Variants in OXLD1 observed in about 807,000 individuals in gnomAD.
The protein encoded by OXLD1 is oxidoreductase-like domain-containing protein 1.
Under a neutral mutation model 3.1 loss-of-function variants are expected in OXLD1, and 4 were observed. The observed-to-expected ratio is 1.28, with a 90% CI of 0.63 to 2.92. The LOEUF is 2.92. OXLD1 is among the 30% of genes most tolerant of loss of function. OXLD1 has a pLI of 0.01. For missense variants in OXLD1, 240 were observed against 204.6 expected, an observed-to-expected ratio of 1.17 and a Z score of -1.05; for synonymous variants, 100 against 87.0, an observed-to-expected ratio of 1.15 and a Z score of -0.83.
Position 81,665,119 on chromosome 17 carries a change from A to T in OXLD1, c.*82T>A. ...CTTCCTATTCCCGTTGGACACAAGG[A>T]GTCTGTGAGGGGGTGTGAAGGAAGG... is the stretch of plus-strand genomic sequence containing the variant. On this transcript the variant is annotated 3_prime_UTR_variant, in exon 2 of 2. Coordinates refer to ENST00000374741, the MANE Select transcript of OXLD1 (RefSeq NM_001039842.3). 1 of 1,444,344 alleles carries T rather than the reference A, an allele frequency of 6.9e-7. No individual in the cohort carries two copies. Among genetic ancestry groups the T allele is most frequent in the East Asian group, 2.3e-5 (1 of 42,990 alleles). 89.5% of individuals were successfully genotyped at this position (1,444,344 alleles called of 1,614,324 possible). A position where few individuals can be genotyped will look rare whatever the true frequency, so the allele number is the denominator to read the frequency against.
In OXLD1 at chr17:81,665,247, G is replaced by C. The variant is rs200385200; in HGVS notation, c.398C>G (p.Ala133Gly). ...EEHVADENLK[A>G]FLRMEIRLHT... The stretch of plus-strand genomic sequence containing the variant: ...CAGCCGGATCTCCATCCTGAGGAAG[G>C]CCTTGAGGTTCTCATCAGCCACGTG... Residue 133 changes from alanine to glycine, a missense_variant, in exon 2 of 2, where the codon GCC becomes GGC. By Grantham distance (60) the Ala-to-Gly change is moderately conservative. Coordinates refer to ENST00000374741, the MANE Select transcript of OXLD1 (RefSeq NM_001039842.3). 2.2e-5 allele frequency: 35 copies of C among 1,613,386 alleles called. No individual in the cohort carries two copies. The highest frequency in any genetic ancestry group is 1.2e-4 in the Admixed American group (7 of 59,984).
chr17:81,665,209 C>T lies in OXLD1; in HGVS notation c.436G>A (p.Gly146Arg), dbSNP rs370129678. Residue 146 changes from glycine (G) to arginine (R), a missense_variant, in exon 2 of 2, where the codon GGA (glycine) becomes AGA (arginine). By Grantham distance (125) the Gly-to-Arg change is moderately radical (BLOSUM62 -2). Coordinates refer to ENST00000374741, the MANE Select transcript of OXLD1 (RefSeq NM_001039842.3). ...RMEIRLHTRC[G>R]G is the part of the protein sequence containing the mutation. Reference sequence around the variant, plus strand: ...AGTCCAGCAGGGATGGCTCAGCCTCCGCACCTGGTGTGCAGCCGGATCTCC... The same window carrying T: ...AGTCCAGCAGGGATGGCTCAGCCTCTGCACCTGGTGTGCAGCCGGATCTCC... 1.5e-5 allele frequency: 24 copies of T among 1,608,780 alleles called. No individual in the cohort carries two copies. The highest frequency in any genetic ancestry group is 6.7e-5 in the African/African-American group (5 of 74,892).
intron 1 of OXLD1, chr17:81,666,011 C>T: frequency 7.5e-6 from 3 of 399,530 alleles, no homozygotes; most frequent in Non-Finnish European, 1.3e-5. Flanking sequence ...AAGAATCGCA[C>T]CACCCTTTAT....
At chr17:81,665,905 C>T in intron 1 of OXLD1, 1 of 432,554 alleles carries the variant, frequency 2.3e-6, no homozygotes. Context: ...GCTCTGTGGA[C>T]ACCAGTATGC....
At chr17:81,666,382 C>A in intron 1 of OXLD1, 136 bp downstream of exon 1, 1 of 1,077,698 alleles carries the variant, frequency 9.3e-7, no homozygotes. Context: ...TCGGCGGCGG[C>A]CAGCGCGCGA....
Position 81,666,519 on chromosome 17 carries a change from G to A in OXLD1, c.59C>T (p.Ser20Leu), listed in dbSNP as rs1354076361. Residue 20 changes from serine (S) to leucine (L), a missense_variant and splice_region_variant, in exon 1 of 2, where the codon TCG becomes TTG. By Grantham distance (145) the Ser-to-Leu change is moderately radical. Coordinates refer to ENST00000374741, the MANE Select transcript of OXLD1 (RefSeq NM_001039842.3). ...GRAVAAAVRG[S>L]GARRFSSPDC... ...GCCAAGACCCGTCCTGGTACTTGCC[G>A]AGCCACGGACCGCGGCGGCTACCGC... 5.9e-6 allele frequency: 9 copies of A among 1,527,500 alleles called. No individual in the cohort carries two copies. The highest frequency in any genetic ancestry group is 1.4e-5 in the African/African-American group (1 of 70,226). The allele number at this position is 1,527,500 out of a possible 1,614,324, so 94.6% of individuals were successfully genotyped here.
chr17:81,665,998 C>A (rs1393696230), intron 1 of OXLD1: 1 of 386,784 alleles, frequency 2.6e-6, no homozygotes. Context: ...AGGGACCAAC[C>A]GGAAGAATCG....
In OXLD1 at chr17:81,665,180, A is replaced by G. The variant is rs769109407; in HGVS notation, c.*21T>C. On this transcript the variant is annotated 3_prime_UTR_variant, in exon 2 of 2. Coordinates refer to ENST00000374741, the MANE Select transcript of OXLD1 (RefSeq NM_001039842.3). The stretch of plus-strand genomic sequence containing the variant: ...TGCGTCCTGGACTCCGTCCTGCGGT[A>G]GGGAGTCCAGCAGGGATGGCTCAGC... 1 of 1,589,810 alleles carries G rather than the reference A, an allele frequency of 6.3e-7. No homozygotes were observed. The highest frequency in any genetic ancestry group is 1.3e-5 in the African/African-American group (1 of 74,710).
Position 81,665,052 on chromosome 17 carries a change from T to C in OXLD1, c.*149A>G, listed in dbSNP as rs528133431. On this transcript the variant is annotated 3_prime_UTR_variant, in exon 2 of 2. Transcript: ENST00000374741. ...ACAAAAACCTCCTGTGAAACCACCATAGAGAATTTATTTTTTTCTCAGGTG... is the reference window on the plus strand; with the variant it reads ...ACAAAAACCTCCTGTGAAACCACCACAGAGAATTTATTTTTTTCTCAGGTG... 7.3e-6 allele frequency: 8 copies of C among 1,102,300 alleles called. No individual in the cohort carries two copies. In the South Asian group the frequency reaches 1.2e-4, roughly 17 times the overall value. The allele number at this position is 1,102,300 out of a possible 1,614,324, so 68.3% of individuals were successfully genotyped here.
At position 81,666,508 on chromosome 17, in the gene OXLD1, T is replaced by G; in HGVS notation, c.60+10A>C. 2 of 1,527,068 alleles carry G rather than the reference T, an allele frequency of 1.3e-6. No homozygotes were observed. Among genetic ancestry groups the G allele is most frequent in the African/African-American group, 2.8e-5 (2 of 70,444 alleles). The allele number at this position is 1,527,068 out of a possible 1,614,324, so 94.6% of individuals were successfully genotyped here. A position where few individuals can be genotyped will look rare whatever the true frequency, so the allele number is the denominator to read the frequency against. ...CCTTCGGCGCTGCCAAGACCCGTCCTGGTACTTGCCGAGCCACGGACCGCG... is the reference window on the plus strand; with the variant it reads ...CCTTCGGCGCTGCCAAGACCCGTCCGGGTACTTGCCGAGCCACGGACCGCG... On this transcript the variant is annotated intron_variant, in intron 1 of 1. Coordinates refer to ENST00000374741, the MANE Select transcript of OXLD1 (RefSeq NM_001039842.3).
Position 81,666,510 on chromosome 17 carries a change from G to A in OXLD1, c.60+8C>T, listed in dbSNP as rs1180620144. 4 of 1,526,388 alleles carry A rather than the reference G, an allele frequency of 2.6e-6. No individual in the cohort carries two copies. The highest frequency in any genetic ancestry group is 3.5e-6 in the Non-Finnish European group (4 of 1,146,192). The allele number at this position is 1,526,388 out of a possible 1,614,324, so 94.6% of individuals were successfully genotyped here. On this transcript the variant is annotated splice_region_variant and intron_variant, in intron 1 of 1. Transcript: ENST00000374741. ...TTCGGCGCTGCCAAGACCCGTCCTGGTACTTGCCGAGCCACGGACCGCGGC... is the reference window on the plus strand; with the variant it reads ...TTCGGCGCTGCCAAGACCCGTCCTGATACTTGCCGAGCCACGGACCGCGGC...
chr17:81,665,105 C>G lies in OXLD1; in HGVS notation c.*96G>C, dbSNP rs2036569168. On this transcript the variant is annotated 3_prime_UTR_variant, in exon 2 of 2. Transcript: ENST00000374741. ...GTCAGTAACTAATTCTTCCTATTCCCGTTGGACACAAGGAGTCTGTGAGGG... is the reference window on the plus strand; with the variant it reads ...GTCAGTAACTAATTCTTCCTATTCCGGTTGGACACAAGGAGTCTGTGAGGG... The G allele has an allele frequency of 4.3e-6, 6 of 1,383,070 alleles. No homozygotes were observed. In the South Asian group the frequency reaches 8.5e-5, roughly 20 times the overall value. The allele number at this position is 1,383,070 out of a possible 1,614,324, so 85.7% of individuals were successfully genotyped here.
chr17:81,666,419 G>A (rs1273705138), intron 1 of OXLD1, 99 bp downstream of exon 1: 1 of 1,395,682 alleles, frequency 7.2e-7, no homozygotes, highest in Non-Finnish European at 9.6e-7. Flanking sequence ...CCCACATGCG[G>A]GTGGAGGGGC....
In OXLD1 at chr17:81,666,581, C is replaced by A; in HGVS notation, c.-4G>T. On this transcript the variant is annotated 5_prime_UTR_variant, in exon 1 of 2. Transcript: ENST00000374741. ...CGACCACCCTCCGCAGCAGCATCGCCCGCGGACGGGATCCGGCAACCCCTG... is the reference window on the plus strand; with the variant it reads ...CGACCACCCTCCGCAGCAGCATCGCACGCGGACGGGATCCGGCAACCCCTG... 6.8e-7 allele frequency: 1 copy of A among 1,460,064 alleles called. No homozygotes were observed. Among genetic ancestry groups the A allele is most frequent in the East Asian group, 2.8e-5 (1 of 36,248 alleles). 90.4% of individuals were successfully genotyped at this position (1,460,064 alleles called of 1,614,324 possible). A position where few individuals can be genotyped will look rare whatever the true frequency, so the allele number is the denominator to read the frequency against.
intron 1 of OXLD1, 131 bp from the exon 2 acceptor site, chr17:81,665,715 T>A: frequency 9.3e-7 from 1 of 1,074,136 alleles, no homozygotes; most frequent in Non-Finnish European, 1.3e-6. Flanking sequence ...TCACTTCCTG[T>A]GACTTTAGAC....
intron 1 of OXLD1, 81 bp from the exon 2 acceptor site, chr17:81,665,665 C>T: frequency 6.8e-7 from 1 of 1,470,656 alleles, no homozygotes; most frequent in Non-Finnish European, 9.0e-7. Flanking sequence ...CATTTCAGCT[C>T]TCCTGTCATT....
chr17:81,665,811 A>C (rs1363455107), intron 1 of OXLD1: 8 of 575,928 alleles, frequency 1.4e-5, no homozygotes, highest in Non-Finnish European at 2.1e-5. Context: ...AAGAAGTGCC[A>C]GGATCAGGGC....
In OXLD1 at chr17:81,665,589, G is replaced by A; in HGVS notation, c.61-5C>T. 1 of 1,572,572 alleles carries A rather than the reference G, an allele frequency of 6.4e-7. No individual in the cohort carries two copies. The highest frequency in any genetic ancestry group is 8.6e-7 in the Non-Finnish European group (1 of 1,156,642). ...GCTGGAGAACCGGCGAGCCCCCTGAGGATGCAGACAAACATGTGACTCTCC... is the reference window on the plus strand; with the variant it reads ...GCTGGAGAACCGGCGAGCCCCCTGAAGATGCAGACAAACATGTGACTCTCC... On this transcript the variant is annotated splice_polypyrimidine_tract_variant and splice_region_variant and intron_variant, in intron 1 of 1. Coordinates refer to ENST00000374741, the MANE Select transcript of OXLD1 (RefSeq NM_001039842.3).
chr17:81,666,081 T>C, intron 1 of OXLD1: 1 of 416,210 alleles, frequency 2.4e-6, no homozygotes, highest in Non-Finnish European at 4.2e-6. Context: ...AGCGTGAATG[T>C]CCTATAGGCA....
Sources: allele counts gnomAD v4.1 joint callset, GRCh38; gene constraint gnomAD v4.1.1; transcripts MANE v1.5; gene names NCBI Gene and HGNC (gene_info 2026-07-23, HGNC 2026-07-21).